ARRB1: variants seen among roughly 807,000 people sequenced by gnomAD.
ARRB1 encodes the protein arrestin beta 1, also known as beta-arrestin-1.
A neutral mutation model predicts 56.8 loss-of-function variants in ARRB1; 21 were observed. The observed-to-expected ratio is 0.37, with a 90% CI of 0.26 to 0.53. The LOEUF is 0.53. Ranked by LOEUF, ARRB1 falls within the 20% of genes least tolerant of loss-of-function variation. The pLI is 0.88. For synonymous variants in ARRB1, 210 were observed against 218.6 expected (o/e 0.96, Z 0.35); for missense variants, 424 against 553.7 (o/e 0.77, Z 2.35).
intron 1 of ARRB1, among the ~76,000 whole-genome samples, chr11:75,309,664 A>G (rs11236389): frequency 0.11 from 17,108 of 152,148 alleles, 1,310 homozygotes; most frequent in African/African-American, 0.21. Flanking sequence ...GGGAGGAAAT[A>G]ATGGGTATAT....
chr11:75,327,218 C>T (rs1299582485), intron 1 of ARRB1, among the ~76,000 whole-genome samples: 11 of 137,436 alleles, frequency 8.0e-5, no homozygotes, highest in Non-Finnish European at 1.4e-4. Context: ...AGGAGAATGG[C>T]GTGAACCCAA....
At chr11:75,339,501 T>C (rs1947663622) in intron 1 of ARRB1, among the ~76,000 whole-genome samples, 1 of 152,238 alleles carries the variant, frequency 6.6e-6, no homozygotes, top group Admixed American at 6.5e-5. Flanking sequence ...TCAAGTCTGC[T>C]GAAGGAAGTC....
At chr11:75,314,882 C>G (rs1161069963) in intron 1 of ARRB1, among the ~76,000 whole-genome samples, 1 of 152,212 alleles carries the variant, frequency 6.6e-6, no homozygotes, top group Non-Finnish European at 1.5e-5. Flanking sequence ...GCTAGGATTA[C>G]AGGCGTGAGC....
At chr11:75,335,993 C>G (rs1328558603) in intron 1 of ARRB1, among the ~76,000 whole-genome samples, 1 of 152,180 alleles carries the variant, frequency 6.6e-6, no homozygotes, top group East Asian at 1.9e-4. Flanking sequence ...CACAGATACC[C>G]TGTGAGAAAC....
intron 1 of ARRB1, among the ~76,000 whole-genome samples, chr11:75,309,765 T>A (rs1279416194): frequency 6.6e-6 from 1 of 152,152 alleles, no homozygotes; most frequent in Non-Finnish European, 1.5e-5. Context: ...AATAAATGCA[T>A]TTCCATTACT....
At chr11:75,291,889 A>G (rs1946619653) in intron 1 of ARRB1, among the ~76,000 whole-genome samples, 1 of 152,204 alleles carries the variant, frequency 6.6e-6, no homozygotes, top group Non-Finnish European at 1.5e-5. Flanking sequence ...AGTAGGCACC[A>G]GGGTGGGCAG....
At chr11:75,271,806 C>A (rs1946079372) in intron 12 of ARRB1, 82 bp from the exon 13 acceptor site, 6 of 1,441,022 alleles carry the variant, frequency 4.2e-6, no homozygotes, top group African/African-American at 1.4e-5. Flanking sequence ...TCATTCACCA[C>A]TTCTGCTGTC....
chr11:75,282,142 C>T, intron 5 of ARRB1, 121 bp from the exon 6 acceptor site: 1 of 961,108 alleles, frequency 1.0e-6, no homozygotes, highest in Non-Finnish European at 1.6e-6. Context: ...CAGGCCATGT[C>T]TATCCCATCA....
chr11:75,267,834 G>T, intron 14 of ARRB1, 131 bp from the exon 15 acceptor site: 1 of 748,102 alleles, frequency 1.3e-6, no homozygotes, highest in Non-Finnish European at 2.3e-6. Context: ...GGGGAATGGA[G>T]ATGGGGGAGG....
chr11:75,291,657 T>C (rs2140442341), intron 1 of ARRB1, among the ~76,000 whole-genome samples: 1 of 152,030 alleles, frequency 6.6e-6, no homozygotes, highest in African/African-American at 2.4e-5. Context: ...AAAGTAATTG[T>C]TGGGAGGGAG....
At chr11:75,276,948 G>A (rs1395529272) in intron 9 of ARRB1, 37 bp from the exon 10 acceptor site, 4 of 1,605,386 alleles carry the variant, frequency 2.5e-6, no homozygotes, top group East Asian at 2.2e-5. Context: ...AGTGAGTCGG[G>A]AATGTAGCTC....
intron 1 of ARRB1, among the ~76,000 whole-genome samples, chr11:75,335,581 T>C (rs1947589557): frequency 1.0e-5 from 1 of 99,748 alleles, no homozygotes. Context: ...CCAGGCCCTG[T>C]CCCTGTCTCA....
chr11:75,276,423 C>T (rs554639317), intron 10 of ARRB1, among the ~76,000 whole-genome samples: 1 of 152,232 alleles, frequency 6.6e-6, no homozygotes, highest in South Asian at 2.1e-4. Flanking sequence ...CCCCTTTTTC[C>T]CAATGAGTTG....
chr11:75,270,034 C>T (rs1219894662), intron 13 of ARRB1, among the ~76,000 whole-genome samples: 2 of 152,252 alleles, frequency 1.3e-5, no homozygotes, highest in Non-Finnish European at 2.9e-5. Context: ...AGGCACAAGC[C>T]GTGCAATTAG....
At chr11:75,348,378 T>C (rs1035795000) in intron 1 of ARRB1, among the ~76,000 whole-genome samples, 6 of 152,060 alleles carry the variant, frequency 3.9e-5, no homozygotes, top group African/African-American at 1.4e-4. Context: ...GTTGGGGACT[T>C]CTCCTTAAGC....
At chr11:75,282,742 C>T (rs1049190236) in intron 5 of ARRB1, among the ~76,000 whole-genome samples, 4 of 152,188 alleles carry the variant, frequency 2.6e-5, no homozygotes, top group Admixed American at 6.5e-5. Flanking sequence ...AACATGTCTA[C>T]GTAGAAAAGG....
intron 1 of ARRB1, among the ~76,000 whole-genome samples, chr11:75,342,965 A>G (rs927725302): frequency 1.3e-5 from 2 of 152,140 alleles, no homozygotes; most frequent in African/African-American, 4.8e-5. Context: ...CTACTTTGAG[A>G]TATTTTGAAA....
intron 1 of ARRB1, among the ~76,000 whole-genome samples, chr11:75,304,156 G>A (rs369796935): frequency 6.6e-6 from 1 of 151,986 alleles, no homozygotes; most frequent in African/African-American, 2.4e-5. Context: ...GTTTTTGTTT[G>A]GTTTGTTTGT....
At chr11:75,267,603 G>GGCCC in intron 15 of ARRB1, 49 bp downstream of exon 15, 1 of 736,874 alleles carries the variant, frequency 1.4e-6, no homozygotes, top group Non-Finnish European at 2.3e-6. Context: ...CCTCCACCCC[G>GGCCC]CCCACCCGCG....
Sources: allele counts gnomAD v4.1 joint callset (sites outside exome capture counted in the v4.1 genomes callset), GRCh38; gene constraint gnomAD v4.1.1; transcripts MANE v1.5; gene names NCBI Gene and HGNC (gene_info 2026-07-23, HGNC 2026-07-21).